Variants in STS observed in about 807,000 individuals in gnomAD.
STS encodes steroid sulfatase.
Under a neutral mutation model 26.8 loss-of-function variants are expected in STS, and 7 were observed. That is an observed-to-expected ratio of 0.26 (90% CI 0.15 to 0.49). The LOEUF (loss-of-function observed/expected upper bound fraction) is 0.49, where lower values mean the gene tolerates loss of function less well. STS is among the 20% of genes least tolerant of loss of function. The pLI, the probability that STS is intolerant of heterozygous loss-of-function variation, is 0.98. For missense variants in STS, 434 were observed against 465.6 expected, an observed-to-expected ratio of 0.93 and a Z score of 0.63; for synonymous variants, 199 against 189.4, an observed-to-expected ratio of 1.05 and a Z score of -0.42.
At chrX:7,220,254 C>T (rs1470522429) in intron 2 of STS, among the ~76,000 whole-genome samples, 1 of 111,387 alleles carries the variant, frequency 9.0e-6, no homozygotes, top group Non-Finnish European at 1.9e-5. Flanking sequence ...CCTAATTTTC[C>T]ATAAACGAAT....
intron 2 of STS, among the ~76,000 whole-genome samples, chrX:7,251,661 T>C (rs1923149807): frequency 9.0e-6 from 1 of 111,632 alleles, no homozygotes; most frequent in African/African-American, 3.3e-5. Flanking sequence ...CTATAAACAT[T>C]TTTAAAAATT....
intron 2 of STS, among the ~76,000 whole-genome samples, chrX:7,229,931 TG>T (rs1921985804): frequency 9.0e-6 from 1 of 110,641 alleles, no homozygotes; most frequent in Admixed American, 9.6e-5. Flanking sequence ...CAGGCTGCAG[TG>T]CACTGGTGTG....
chrX:7,196,869 A>G (rs1933979943), intron 2 of STS, among the ~76,000 whole-genome samples: 1 of 111,052 alleles, frequency 9.0e-6, no homozygotes, highest in South Asian at 3.8e-4. Context: ...CAGCAGCCAG[A>G]GGCACCTTCT....
At chrX:7,195,090 G>A (rs1026536025) in intron 2 of STS, among the ~76,000 whole-genome samples, 9 of 112,142 alleles carry the variant, frequency 8.0e-5, no homozygotes, top group African/African-American at 1.3e-4. Flanking sequence ...ATCGTTACCC[G>A]AAACATCGTT....
intron 10 of STS, among the ~76,000 whole-genome samples, chrX:7,348,680 A>G (rs1283339276): frequency 8.9e-6 from 1 of 112,204 alleles, no homozygotes; most frequent in Non-Finnish European, 1.9e-5. Context: ...TAGCAATTTC[A>G]ATATTTTGGA....
chrX:7,158,275 G>C (rs1347818584), intron 1 of STS, among the ~76,000 whole-genome samples: 1 of 111,165 alleles, frequency 9.0e-6, no homozygotes, highest in South Asian at 3.8e-4. Flanking sequence ...AGTTGATTTA[G>C]GTTGCACTTC....
chrX:7,279,321 G>GTGTGTGTGTGTGTGTGTA (rs1270679569), intron 7 of STS, among the ~76,000 whole-genome samples: 7 of 41,249 alleles, frequency 1.7e-4, no homozygotes, highest in Non-Finnish European at 3.4e-4. Flanking sequence ...ATGTGTGTGT[G>GTGTGTGTGTGTGTGTGTA]TGTGTGTGTG....
intron 6 of STS, among the ~76,000 whole-genome samples, chrX:7,273,239 C>T (rs1281317567): frequency 9.0e-6 from 1 of 111,322 alleles, no homozygotes; most frequent in Non-Finnish European, 1.9e-5. Context: ...TTTTAGGGTT[C>T]CCTTTTCTGA....
chrX:7,262,541 A>C (rs1363579095), intron 6 of STS, among the ~76,000 whole-genome samples: 1 of 112,159 alleles, frequency 8.9e-6, no homozygotes, highest in Non-Finnish European at 1.9e-5. Flanking sequence ...GTGATTTTCA[A>C]ATTTGTTTTA....
chrX:7,243,651 G>T (rs1238694142), intron 2 of STS, among the ~76,000 whole-genome samples: 5 of 112,025 alleles, frequency 4.5e-5, no homozygotes, highest in African/African-American at 1.6e-4. Context: ...CCCTGGGTTG[G>T]TTATCTTTCA....
At chrX:7,184,013 A>T (rs201776734) in intron 1 of STS, among the ~76,000 whole-genome samples, 18 of 52,435 alleles carry the variant, frequency 3.4e-4, no homozygotes, top group African/African-American at 1.4e-3. Flanking sequence ...AAATAAAAAT[A>T]AAAAAAAAAA....
intron 1 of STS, among the ~76,000 whole-genome samples, chrX:7,182,898 TG>T (rs1361153814): frequency 3.6e-5 from 4 of 110,852 alleles, no homozygotes; most frequent in Admixed American, 9.6e-5. Flanking sequence ...TGACCTTTTT[TG>T]GAAATAGAGT....
chrX:7,241,100 C>G (rs576788667), intron 2 of STS, among the ~76,000 whole-genome samples: 2 of 111,552 alleles, frequency 1.8e-5, no homozygotes, highest in Non-Finnish European at 3.8e-5. Flanking sequence ...CCAACCAATG[C>G]GCACAGTTTG....
At position 7,332,568 on chromosome X, in the gene STS, C is replaced by T. The variant is rs185904037; in HGVS notation, c.1242-1418C>T. ...GGAAGGATAGAAATCCTCTGTCCCT[C>T]GTCTCTCCCCTTCAGGTCACTTTTC... On this transcript the variant is annotated intron_variant, in intron 9 of 10. Transcript: ENST00000674429. Among the ~76,000 whole-genome samples the T allele has an allele frequency of 8.3e-4, 92 of 110,915 alleles. 1 individual carries two copies. Among genetic ancestry groups the T allele is most frequent in the Admixed American group, 1.9e-3 (20 of 10,390 alleles).
chrX:7,348,739 T>C lies in STS; in HGVS notation c.1364-1149T>C, dbSNP rs6639828. 5.2e-3 allele frequency among the ~76,000 whole-genome samples: 582 copies of C among 112,267 alleles called. 10 individuals carry two copies. In the East Asian group the frequency reaches 0.11, roughly 22 times the overall value. On this transcript the variant is annotated intron_variant, in intron 10 of 10. Coordinates refer to ENST00000674429, the MANE Select transcript of STS (RefSeq NM_001320752.2). ...ATTTTAAAAACTAACCATCCTATTCTGGTGTTGATGAATTCCCCTAATTTG... is the reference window on the plus strand; with the variant it reads ...ATTTTAAAAACTAACCATCCTATTCCGGTGTTGATGAATTCCCCTAATTTG...
chrX:7,336,722 C>T (rs1445570705), intron 10 of STS, among the ~76,000 whole-genome samples: 1 of 112,188 alleles, frequency 8.9e-6, no homozygotes, highest in African/African-American at 3.2e-5. Context: ...ATGGAGCCGG[C>T]AAGAAATGTG....
intron 2 of STS, among the ~76,000 whole-genome samples, chrX:7,197,508 G>A (rs924181257): frequency 1.8e-5 from 2 of 111,607 alleles, no homozygotes; most frequent in Non-Finnish European, 3.8e-5. Context: ...GTCCACTCTA[G>A]GTACAGTACT....
At chrX:7,184,331 C>T (rs1933736303) in intron 1 of STS, among the ~76,000 whole-genome samples, 1 of 112,564 alleles carries the variant, frequency 8.9e-6, no homozygotes, top group Non-Finnish European at 1.9e-5. Context: ...TAGCAATTTC[C>T]ATCGTGGTCT....
rs141795070 is a variant in STS at position 7,248,349 on chromosome X, C to T, written c.-4-4847C>T. ...GGCTGTGTCTGCTACAATGCATTTA[C>T]TCTGGGGCTCAGGCTGAAAGGGAGG... On this transcript the variant is annotated intron_variant, in intron 2 of 10. Transcript: ENST00000674429. Among the ~76,000 whole-genome samples the T allele has an allele frequency of 3.3e-3, 366 of 112,240 alleles. 2 individuals carry two copies. The highest frequency in any genetic ancestry group is 0.011 in the African/African-American group (353 of 30,945).
Sources: gnomAD v4.1 joint callset for allele counts (sites outside exome capture counted in the v4.1 genomes callset) on GRCh38, gnomAD v4.1.1 for gene constraint, MANE v1.5 for transcripts, NCBI Gene and HGNC (gene_info 2026-07-23, HGNC 2026-07-21) for gene names.